Variants in PCDHA1 observed in about 807,000 individuals in gnomAD.
The protein encoded by PCDHA1 is protocadherin alpha 1.
In PCDHA1, 42 loss-of-function variants were observed where a neutral mutation model predicts 61.3. That is an observed-to-expected ratio of 0.69 (90% CI 0.54 to 0.89). The LOEUF (loss-of-function observed/expected upper bound fraction) is 0.89. Ranked by LOEUF, PCDHA1 falls within the 40% of genes least tolerant of loss-of-function variation. The pLI, the probability that PCDHA1 is intolerant of heterozygous loss-of-function variation, is 0.00. For synonymous variants in PCDHA1, 610 were observed against 553.8 expected, an observed-to-expected ratio of 1.10 and a Z score of -1.43; for missense variants, 1,256 against 1,235.3, an observed-to-expected ratio of 1.02 and a Z score of -0.25.
chr5:140,806,972 T>G (rs1763823981), intron 1 of PCDHA1: 1 of 617,724 alleles, frequency 1.6e-6, no homozygotes, highest in Non-Finnish European at 2.8e-6. Flanking sequence ...AATTGCTACT[T>G]ACGGTTTGGA....
intron 1 of PCDHA1, among the ~76,000 whole-genome samples, chr5:140,973,993 G>T (rs1554235720): frequency 6.6e-6 from 1 of 152,122 alleles, no homozygotes. Flanking sequence ...ACTTCACCTG[G>T]ATCAATGTTT....
intron 1 of PCDHA1, among the ~76,000 whole-genome samples, chr5:140,976,053 A>G (rs1174656934): frequency 2.6e-5 from 4 of 152,222 alleles, no homozygotes; most frequent in Non-Finnish European, 5.9e-5. Flanking sequence ...AAATTGTGAT[A>G]GTAATATATG....
chr5:140,852,335 T>C (rs2042302607), intron 1 of PCDHA1: 1 of 256,936 alleles, frequency 3.9e-6, no homozygotes. Context: ...TGGAGTACAG[T>C]GGCATGATCT....
Position 140,982,555 on chromosome 5 carries a change from C to T in PCDHA1, c.2534C>T (p.Ala845Val). The change falls in exon 3 of 4, where the codon GCA becomes GTA. Residue 845 changes from alanine (A) to valine (V), a missense_variant. Transcript: ENST00000504120. Reference sequence around the variant, plus strand: ...CAGCAGTGGCCAACAGTATCCAGTGCAACACCAGGTAAAGAGCTGGGGTCT... The same window carrying T: ...CAGCAGTGGCCAACAGTATCCAGTGTAACACCAGGTAAAGAGCTGGGGTCT... Reference protein sequence around the residue: ...PDQQWPTVSSATPEPEAGEVS... With the variant: ...PDQQWPTVSSVTPEPEAGEVS... The T allele has an allele frequency of 6.2e-7, 1 of 1,614,108 alleles. No homozygotes were observed. The highest frequency in any genetic ancestry group is 8.5e-7 in the Non-Finnish European group (1 of 1,179,990).
At chr5:140,931,444 A>T (rs2087532526) in intron 1 of PCDHA1, among the ~76,000 whole-genome samples, 1 of 135,860 alleles carries the variant, frequency 7.4e-6, no homozygotes, top group Non-Finnish European at 1.6e-5. Context: ...TTAGCTATTT[A>T]AAAGGAAAAA....
chr5:140,786,334 T>A lies in PCDHA1; in HGVS notation c.44T>A (p.Leu15His). The change falls in exon 1 of 4, where the codon CTT (leucine) becomes CAT (histidine). Residue 15 changes from leucine (L) to histidine (H), a missense_variant. By Grantham distance (99) the Leu-to-His change is moderately conservative. Coordinates refer to ENST00000504120, the MANE Select transcript of PCDHA1 (RefSeq NM_018900.4). ...RRGGLGARDL[L>H]LWLLLLAAWE... ...GGGGGCCTGGGAGCCCGGGATCTGC[T>A]TCTTTGGCTTCTGCTCCTCGCAGCC... is the stretch of plus-strand genomic sequence containing the variant. 6.2e-7 allele frequency: 1 copy of A among 1,613,430 alleles called. No individual in the cohort carries two copies. Among genetic ancestry groups the A allele is most frequent in the Non-Finnish European group, 8.5e-7 (1 of 1,179,718 alleles).
chr5:140,870,642 C>A (rs373909591), intron 1 of PCDHA1: 2 of 1,612,746 alleles, frequency 1.2e-6, no homozygotes, highest in African/African-American at 1.3e-5. Context: ...ACGCGGAGAG[C>A]GGCAAGGTGT....
intron 1 of PCDHA1, chr5:140,794,831 A>C: frequency 1.0e-6 from 1 of 996,842 alleles, no homozygotes; most frequent in South Asian, 1.7e-5. Flanking sequence ...TAGGAAGGAA[A>C]ATACCCAGAG....
chr5:140,935,563 C>T (rs1554210554), intron 1 of PCDHA1, among the ~76,000 whole-genome samples: 1 of 152,176 alleles, frequency 6.6e-6, no homozygotes. Context: ...GGAAAAGTTC[C>T]TCTCTGTGTA....
chr5:140,803,422 C>G (rs1554122806), intron 1 of PCDHA1: 1 of 1,614,226 alleles, frequency 6.2e-7, no homozygotes, highest in East Asian at 2.2e-5. Flanking sequence ...CTGGTGTGCT[C>G]CAGCGCGGTG....
At chr5:140,911,365 TG>T (rs1554194694) in intron 1 of PCDHA1, among the ~76,000 whole-genome samples, 1 of 152,218 alleles carries the variant, frequency 6.6e-6, no homozygotes, top group East Asian at 1.9e-4. Flanking sequence ...AGTAGACACC[TG>T]GCAAGGCTGT....
At chr5:140,865,534 A>G (rs2048907246) in intron 1 of PCDHA1, 1 of 152,224 alleles carries the variant, frequency 6.6e-6, no homozygotes, top group South Asian at 2.1e-4. Flanking sequence ...CTCTTCATCC[A>G]TAGCTATAGG....
chr5:140,887,853 C>G (rs145942561), intron 1 of PCDHA1, among the ~76,000 whole-genome samples: 1 of 152,170 alleles, frequency 6.6e-6, no homozygotes, highest in African/African-American at 2.4e-5. Flanking sequence ...GACATATTTT[C>G]CAAGTTCACT....
intron 1 of PCDHA1, among the ~76,000 whole-genome samples, chr5:140,931,051 G>A (rs1460771235): frequency 6.6e-6 from 1 of 152,134 alleles, no homozygotes; most frequent in African/African-American, 2.4e-5. Flanking sequence ...AAACTTCAAT[G>A]CTGTGTCTGG....
At position 140,788,644 on chromosome 5, in the gene PCDHA1, G is replaced by T; in HGVS notation, c.2354G>T (p.Arg785Ile). The T allele has an allele frequency of 6.3e-7, 1 of 1,597,828 alleles. No individual in the cohort carries two copies. The highest frequency in any genetic ancestry group is 8.5e-7 in the Non-Finnish European group (1 of 1,171,636). Reference protein sequence around the residue: ...GLSPSLNTSERNEQPEANLDL... With the variant: ...GLSPSLNTSEINEQPEANLDL... ...TCTCCAAGTCTTAACACGTCAGAAA[G>T]AAATGAACAACCAGAAGCAAATTTG... Residue 785 changes from arginine to isoleucine, a missense_variant, in exon 1 of 4, where the codon AGA becomes ATA. Transcript: ENST00000504120.
chr5:140,807,450 C>A (rs1554124019), intron 1 of PCDHA1: 1 of 1,606,840 alleles, frequency 6.2e-7, no homozygotes, highest in Admixed American at 1.7e-5. Context: ...TTTGTGAATT[C>A]TCGGATCGAC....
At chr5:140,875,648 T>C in intron 1 of PCDHA1, 1 of 1,613,728 alleles carries the variant, frequency 6.2e-7, no homozygotes, top group Non-Finnish European at 8.5e-7. Flanking sequence ...CTGGCGGAGC[T>C]GGTGCCGCGC....
intron 1 of PCDHA1, among the ~76,000 whole-genome samples, chr5:140,826,100 T>A (rs1768814944): frequency 6.6e-6 from 1 of 152,354 alleles, no homozygotes; most frequent in South Asian, 2.1e-4. Context: ...CCTTCTATCA[T>A]GCTATTTATA....
rs144041965 is a variant in PCDHA1, at chr5:140,808,651, G to A, written c.2394+19967G>A. 1.8e-5 allele frequency: 29 copies of A among 1,613,192 alleles called. 1 individual carries two copies. Among genetic ancestry groups the A allele is most frequent in the Middle Eastern group, 3.6e-4 (2 of 5,482 alleles). On this transcript the variant is annotated intron_variant, in intron 1 of 3. Coordinates refer to ENST00000504120, the MANE Select transcript of PCDHA1 (RefSeq NM_018900.4). ...GGGACGCGGACGCGCAGGAGAACGC[G>A]CTGGTGTCCTACTCGCTGGTAGAGC...
Sources: allele counts gnomAD v4.1 joint callset (sites outside exome capture counted in the v4.1 genomes callset), GRCh38; gene constraint gnomAD v4.1.1; transcripts MANE v1.5; gene names NCBI Gene and HGNC (gene_info 2026-07-23, HGNC 2026-07-21).